ZNF608: variants seen among roughly 807,000 people sequenced by gnomAD.
ZNF608 encodes zinc finger protein 608.
ZNF608 carries 12 observed loss-of-function variants against 109.0 expected under a neutral mutation model. The observed-to-expected ratio is 0.11, with a 90% CI of 0.07 to 0.18. ZNF608 has a LOEUF of 0.18. ZNF608 is among the 10% of genes least tolerant of loss of function. The probability of loss-of-function intolerance (pLI) is 1.00; values close to 1 mark genes in which losing one functional copy is unlikely to be tolerated. For missense variants in ZNF608, 1,707 were observed against 1,879.3 expected (o/e 0.91, Z 1.70); for synonymous variants, 732 against 717.4 (o/e 1.02, Z -0.33).
rs1580731579 is a variant in ZNF608, at chr5:124,744,838, T to C, written c.152A>G (p.Asn51Ser). 3 of 1,614,098 alleles carry C rather than the reference T, an allele frequency of 1.9e-6. No individual in the cohort carries two copies. In the Admixed American group the frequency reaches 5.0e-5, roughly 27 times the overall value. Residue 51 changes from asparagine to serine, a missense_variant, in exon 2 of 10, where the codon AAT becomes AGT. Physicochemically the swap from Asn to Ser is conservative, Grantham distance 46 (BLOSUM62 1). Around this residue, in one of 7 missense-constraint regions of ZNF608, gnomAD observed 407 missense variants for 398.7 expected, o/e 1.02. Transcript: ENST00000513986. The surrounding 1 kb of genome is among the most constrained non-coding windows in gnomAD (Gnocchi z 4.5). ...LEKDRQKFEM[N>S]NSTTTTSSSN... ...GCTACTAGTGGTGGTGGTGGAATTA[T>C]TCATCTCAAATTTCTGTCTGTCCTT...
At chr5:124,717,330 G>C (rs1442049706) in intron 2 of ZNF608, among the ~76,000 whole-genome samples, 2 of 151,506 alleles carry the variant, frequency 1.3e-5, no homozygotes, top group South Asian at 2.1e-4. Context: ...AATTAGCCAG[G>C]CATGGTGGCA....
rs1273620945 is a variant in ZNF608 at position 124,648,234 on chromosome 5, C to T, written c.2150G>A (p.Gly717Asp). 6.2e-7 allele frequency: 1 copy of T among 1,614,138 alleles called. No individual in the cohort carries two copies. The highest frequency in any genetic ancestry group is 1.1e-5 in the South Asian group (1 of 91,080). Residue 717 changes from glycine to aspartate, a missense_variant, in exon 5 of 10, where the codon GGC becomes GAC. Physicochemically the swap from Gly to Asp is moderately conservative, Grantham distance 94. Around this residue, in one of 7 missense-constraint regions of ZNF608, gnomAD observed 1,073 missense variants for 1,133.5 expected, o/e 0.95. Transcript: ENST00000513986. The part of the protein sequence containing the change: ...DKKNLGDKEK[G>D]KKATNCKTDK... ...CGTTTTGCAGTTGGTAGCTTTTTTG[C>T]CCTTTTCTTTATCTCCTAAATTTTT...
intron 3 of ZNF608, among the ~76,000 whole-genome samples, chr5:124,689,479 AG>A (rs66846429): frequency 9.8e-4 from 138 of 141,454 alleles, no homozygotes; most frequent in Non-Finnish European, 1.3e-3. Flanking sequence ...AAAAAAAAAA[AG>A]AGAGAGACAG....
At chr5:124,654,541 G>C (rs922346819) in intron 3 of ZNF608, among the ~76,000 whole-genome samples, 3 of 152,170 alleles carry the variant, frequency 2.0e-5, no homozygotes, top group African/African-American at 7.2e-5. Flanking sequence ...ACTGCCAAAA[G>C]ACAGCCATTC....
At chr5:124,735,775 C>T (rs1034973997) in intron 2 of ZNF608, among the ~76,000 whole-genome samples, 2 of 152,176 alleles carry the variant, frequency 1.3e-5, no homozygotes, top group African/African-American at 4.8e-5. Flanking sequence ...GAGTTGGATG[C>T]GGAGAGGCTC....
intron 2 of ZNF608, among the ~76,000 whole-genome samples, chr5:124,739,467 C>A (rs956185458): frequency 4.5e-4 from 69 of 152,332 alleles, no homozygotes; most frequent in African/African-American, 1.6e-3. Flanking sequence ...GGCGTGAGAG[C>A]CTTTTCCCCT....
At chr5:124,736,040 T>TG (rs1343591074) in intron 2 of ZNF608, among the ~76,000 whole-genome samples, 6 of 135,896 alleles carry the variant, frequency 4.4e-5, no homozygotes, top group African/African-American at 1.6e-4. Context: ...TCACTTATTT[T>TG]GAAAAAAAAA....
intron 3 of ZNF608, among the ~76,000 whole-genome samples, chr5:124,674,962 G>T (rs1048371496): frequency 6.6e-6 from 1 of 152,038 alleles, no homozygotes; most frequent in East Asian, 1.9e-4. Flanking sequence ...GGGCCTAATC[G>T]ATTCTAAGGT....
intron 3 of ZNF608, among the ~76,000 whole-genome samples, chr5:124,693,174 AG>A (rs1275667252): frequency 2.6e-5 from 4 of 152,250 alleles, no homozygotes; most frequent in Non-Finnish European, 4.4e-5. Context: ...ATCTCAATAA[AG>A]CTGCTGTGAG....
At chr5:124,716,268 T>C (rs576192873) in intron 2 of ZNF608, among the ~76,000 whole-genome samples, 55 of 152,220 alleles carry the variant, frequency 3.6e-4, no homozygotes, top group Middle Eastern at 3.4e-3. Flanking sequence ...CATGGGTATT[T>C]TTCCATAGCA....
At chr5:124,692,384 C>A (rs1030425329) in intron 3 of ZNF608, among the ~76,000 whole-genome samples, 6 of 152,164 alleles carry the variant, frequency 3.9e-5, no homozygotes, top group Non-Finnish European at 7.4e-5. Context: ...CTGTGCCAGG[C>A]GCTGGGGATC....
intron 2 of ZNF608, among the ~76,000 whole-genome samples, chr5:124,714,716 A>T (rs952953690): frequency 6.6e-6 from 1 of 152,240 alleles, no homozygotes; most frequent in Non-Finnish European, 1.5e-5. Flanking sequence ...AATGTTAGTT[A>T]TTATTGTCCT....
chr5:124,710,285 A>G (rs1046836548), intron 2 of ZNF608: 2 of 439,978 alleles, frequency 4.5e-6, no homozygotes, highest in African/African-American at 4.1e-5. Flanking sequence ...TCAGCTTAAC[A>G]TCAGTCATTT....
At chr5:124,720,209 T>C (rs999132990) in intron 2 of ZNF608, among the ~76,000 whole-genome samples, 1 of 152,202 alleles carries the variant, frequency 6.6e-6, no homozygotes, top group African/African-American at 2.4e-5. Flanking sequence ...TCTGAGCGAA[T>C]GTATTTGGGG....
chr5:124,725,790 A>G (rs1462959416), intron 2 of ZNF608, among the ~76,000 whole-genome samples: 10 of 151,914 alleles, frequency 6.6e-5, no homozygotes, highest in Admixed American at 6.6e-4. Flanking sequence ...GATGCACCCT[A>G]TTTCAGGACA....
At chr5:124,724,672 A>G (rs1014438994) in intron 2 of ZNF608, among the ~76,000 whole-genome samples, 6 of 152,204 alleles carry the variant, frequency 3.9e-5, no homozygotes, top group African/African-American at 1.2e-4. Context: ...TTCTCTGGGG[A>G]AAGTAATACT....
chr5:124,691,176 G>A (rs930635611), intron 3 of ZNF608, among the ~76,000 whole-genome samples: 3 of 152,070 alleles, frequency 2.0e-5, no homozygotes, highest in African/African-American at 7.2e-5. Context: ...CTGGGAGACT[G>A]AGGCAGAAGG....
chr5:124,645,570 G>T (rs1370189210), intron 5 of ZNF608, among the ~76,000 whole-genome samples: 3 of 152,124 alleles, frequency 2.0e-5, no homozygotes, highest in Non-Finnish European at 4.4e-5. Flanking sequence ...GCATGGGGGT[G>T]AGGGTGGGAG....
intron 2 of ZNF608, among the ~76,000 whole-genome samples, chr5:124,736,010 G>T (rs953263817): frequency 1.3e-4 from 19 of 150,832 alleles, no homozygotes; most frequent in Non-Finnish European, 2.7e-4. Flanking sequence ...AAGCTAAAAG[G>T]AAGTAGTTTC....
Sources: gnomAD v4.1 joint callset for allele counts (sites outside exome capture counted in the v4.1 genomes callset) on GRCh38, gnomAD v4.1.1 for gene constraint, gnomAD v4.1.1 regional missense constraint, Gnocchi (gnomAD v3.1) non-coding constraint, MANE v1.5 for transcripts, NCBI Gene and HGNC (gene_info 2026-07-23, HGNC 2026-07-21) for gene names.